ANKRD31: variants seen among roughly 807,000 people sequenced by gnomAD.
ANKRD31 encodes ankyrin repeat domain 31, also known as ankyrin repeat domain-containing protein 31.
Under a neutral mutation model 186.0 loss-of-function variants are expected in ANKRD31, and 147 were observed. That is an observed-to-expected ratio of 0.79 (90% confidence interval 0.69 to 0.91). The LOEUF (loss-of-function observed/expected upper bound fraction) is 0.91. ANKRD31 is among the 40% of genes least tolerant of loss of function. ANKRD31 has a pLI of 0.00. For missense variants in ANKRD31, 1,986 were observed against 2,148.8 expected (o/e 0.92, Z 1.50); for synonymous variants, 673 against 736.4 (o/e 0.91, Z 1.39).
At position 75,193,526 on chromosome 5, in the gene ANKRD31, C is replaced by T; in HGVS notation, c.1083G>A (p.Glu361=). The change falls in exon 8 of 26, where the codon GAG becomes GAA. Residue 361 remains glutamate (E), a synonymous_variant. Transcript: ENST00000506364. ...TTGAATTTCTCTTATTACTTAGTGG[C>T]TCACAAGAAGTGATATTTTGATGAG... The part of the protein sequence containing the change: ...TLAHQNITSC[E]PLSNKRNSNS... 1 of 1,536,944 alleles carries T rather than the reference C, an allele frequency of 6.5e-7. No homozygotes were observed. The highest frequency in any genetic ancestry group is 1.4e-5 in the African/African-American group (1 of 73,132).
intron 17 of ANKRD31, among the ~76,000 whole-genome samples, chr5:75,120,936 G>A (rs569026391): frequency 1.2e-3 from 185 of 152,262 alleles, no homozygotes; most frequent in Non-Finnish European, 1.8e-3. Flanking sequence ...TGTAATCCCA[G>A]CACTTTGGGA....
At chr5:75,220,714 G>A (rs1460544635) in intron 3 of ANKRD31, among the ~76,000 whole-genome samples, 1 of 151,090 alleles carries the variant, frequency 6.6e-6, no homozygotes, top group Non-Finnish European at 1.5e-5. Context: ...TGGCCAACAA[G>A]CATCCAAAAA....
chr5:75,082,726 A>C (rs949770713), intron 24 of ANKRD31, among the ~76,000 whole-genome samples: 1 of 152,226 alleles, frequency 6.6e-6, no homozygotes, highest in African/African-American at 2.4e-5. Context: ...CTTTTATATG[A>C]TACTTAAAAA....
chr5:75,149,867 C>T lies in ANKRD31; in HGVS notation c.1853-1239G>A, dbSNP rs190188481. Among the ~76,000 whole-genome samples the T allele has an allele frequency of 1.3e-4, 20 of 151,926 alleles. 1 individual carries two copies. The East Asian group carries it at 1.5e-3, about 12-fold the overall frequency. Reference sequence around the variant, plus strand: ...ATCTTAAATAAAAGAGTAGAAAAATCGTATTTTCCAGAAACCACCCTGCAA... The same window carrying T: ...ATCTTAAATAAAAGAGTAGAAAAATTGTATTTTCCAGAAACCACCCTGCAA... On this transcript the variant is annotated intron_variant, in intron 12 of 25. Coordinates refer to ENST00000506364, the MANE Select transcript of ANKRD31 (RefSeq NM_001372053.1).
intron 11 of ANKRD31, among the ~76,000 whole-genome samples, chr5:75,162,354 G>A (rs961995828): frequency 6.6e-6 from 1 of 152,210 alleles, no homozygotes; most frequent in Non-Finnish European, 1.5e-5. Context: ...CATAGGGCCT[G>A]TAGCCCCTTC....
chr5:75,229,565 A>G (rs1757818302), intron 2 of ANKRD31, among the ~76,000 whole-genome samples: 1 of 152,116 alleles, frequency 6.6e-6, no homozygotes, highest in African/African-American at 2.4e-5. Context: ...AGGTCCTTGA[A>G]TAACTTCATG....
At chr5:75,074,737 T>A (rs34081744) in intron 25 of ANKRD31, among the ~76,000 whole-genome samples, 7,481 of 152,220 alleles carry the variant, frequency 0.049, 446 homozygotes, top group African/African-American at 0.14. Flanking sequence ...GATTTTTTTT[T>A]AAAGTAAAGG....
intron 3 of ANKRD31, among the ~76,000 whole-genome samples, chr5:75,216,527 T>C (rs557120069): frequency 1.1e-4 from 17 of 152,294 alleles, no homozygotes; most frequent in African/African-American, 4.1e-4. Context: ...ACTCAGAAGT[T>C]ACAAAATTAA....
At chr5:75,084,728 T>G (rs561405039) in intron 23 of ANKRD31, among the ~76,000 whole-genome samples, 10 of 152,232 alleles carry the variant, frequency 6.6e-5, no homozygotes, top group Non-Finnish European at 1.5e-4. Flanking sequence ...ATTCACTTAT[T>G]CAACAACTAT....
chr5:75,221,727 T>C (rs568614640), intron 3 of ANKRD31, among the ~76,000 whole-genome samples: 1 of 152,142 alleles, frequency 6.6e-6, no homozygotes, highest in Non-Finnish European at 1.5e-5. Context: ...TTCTCTCTTT[T>C]TCTTCCCCAG....
intron 3 of ANKRD31, among the ~76,000 whole-genome samples, chr5:75,218,732 CACAACAAAA>C (rs1404704622): frequency 6.6e-6 from 1 of 152,084 alleles, no homozygotes; most frequent in Non-Finnish European, 1.5e-5. Context: ...TGTGAATTCG[CACAACAAAA>C]AGCTAATTCA....
intron 22 of ANKRD31, among the ~76,000 whole-genome samples, chr5:75,096,708 C>T (rs920705429): frequency 6.6e-6 from 1 of 152,030 alleles, no homozygotes; most frequent in African/African-American, 2.4e-5. Context: ...TACCTGTGCA[C>T]AACGTGCAGT....
intron 2 of ANKRD31, among the ~76,000 whole-genome samples, chr5:75,224,238 A>T (rs1054853619): frequency 6.7e-6 from 1 of 148,496 alleles, no homozygotes; most frequent in Admixed American, 6.7e-5. Context: ...AATCCCACTA[A>T]CAAAAGTTGG....
At chr5:75,111,594 A>G (rs1747793466) in intron 20 of ANKRD31, among the ~76,000 whole-genome samples, 2 of 152,196 alleles carry the variant, frequency 1.3e-5, no homozygotes, top group Admixed American at 1.3e-4. Context: ...TTGATGAGGT[A>G]CTTTAAATTA....
At chr5:75,172,572 CAG>C (rs1341447028) in intron 10 of ANKRD31, among the ~76,000 whole-genome samples, 1 of 152,104 alleles carries the variant, frequency 6.6e-6, no homozygotes, top group African/African-American at 2.4e-5. Context: ...ACCGATCCCA[CAG>C]AAACACAAAC....
chr5:75,220,484 A>C (rs948616462), intron 3 of ANKRD31, among the ~76,000 whole-genome samples: 1 of 152,142 alleles, frequency 6.6e-6, no homozygotes, highest in Non-Finnish European at 1.5e-5. Flanking sequence ...TACTAAAAAT[A>C]CAAAAAAATT....
intron 1 of ANKRD31, among the ~76,000 whole-genome samples, chr5:75,232,736 G>T (rs1758024191): frequency 6.6e-6 from 1 of 152,092 alleles, no homozygotes; most frequent in African/African-American, 2.4e-5. Flanking sequence ...CTTGAAGGGT[G>T]ACAGAATATG....
At position 75,146,883 on chromosome 5, in the gene ANKRD31, T is replaced by C; in HGVS notation, c.2528A>G (p.His843Arg). 3 of 1,536,394 alleles carry C rather than the reference T, an allele frequency of 2.0e-6. No homozygotes were observed. The highest frequency in any genetic ancestry group is 2.6e-6 in the Non-Finnish European group (3 of 1,146,322). The part of the protein sequence containing the change: ...EAVSFPGLLL[H>R]KEIKLPVVTT... ...AACAACTGGTAACTTGATTTCTTTATGTAATAAAAGCCCTGGGAAAGAAAC... is the reference window on the plus strand; with the variant it reads ...AACAACTGGTAACTTGATTTCTTTACGTAATAAAAGCCCTGGGAAAGAAAC... The change falls in exon 14 of 26, where the codon CAT becomes CGT. Residue 843 changes from histidine to arginine, a missense_variant. Coordinates refer to ENST00000506364, the MANE Select transcript of ANKRD31 (RefSeq NM_001372053.1).
chr5:75,114,222 G>A (rs1006660874), intron 19 of ANKRD31, among the ~76,000 whole-genome samples: 9 of 152,130 alleles, frequency 5.9e-5, no homozygotes, highest in African/African-American at 2.2e-4. Flanking sequence ...GCTAAACCAG[G>A]CTGCTTAATC....
Sources: allele counts gnomAD v4.1 joint callset (sites outside exome capture counted in the v4.1 genomes callset), GRCh38; gene constraint gnomAD v4.1.1; transcripts MANE v1.5; gene names NCBI Gene and HGNC (gene_info 2026-07-23, HGNC 2026-07-21).